Variants in SIPA1L2 observed in about 807,000 individuals in gnomAD.
The protein encoded by SIPA1L2 is signal-induced proliferation-associated 1-like protein 2.
Under a neutral mutation model 163.9 loss-of-function variants are expected in SIPA1L2, and 56 were observed. The observed-to-expected ratio is 0.34, with a 90% CI of 0.28 to 0.43. The LOEUF (loss-of-function observed/expected upper bound fraction) is 0.43. Ranked by LOEUF, SIPA1L2 falls within the 20% of genes least tolerant of loss-of-function variation. SIPA1L2 has a pLI of 1.00. For synonymous variants in SIPA1L2, 877 were observed against 865.7 expected, an observed-to-expected ratio of 1.01 and a Z score of -0.23; for missense variants, 1,974 against 2,193.5, an observed-to-expected ratio of 0.90 and a Z score of 2.00.
At chr1:232,603,993 T>A (rs1026332062) in intron 1 of SIPA1L2, among the ~76,000 whole-genome samples, 1 of 152,132 alleles carries the variant, frequency 6.6e-6, no homozygotes, top group Non-Finnish European at 1.5e-5. Context: ...AAATCCACAA[T>A]CAGACTATGC....
rs377255995 is a variant in SIPA1L2, at chr1:232,514,468, A to G, written c.872T>C (p.Leu291Pro). 1 of 1,614,234 alleles carries G rather than the reference A, an allele frequency of 6.2e-7. No homozygotes were observed. Among genetic ancestry groups the G allele is most frequent in the Admixed American group, 1.7e-5 (1 of 60,028 alleles). ...TTTAACAGTTCGAAGCTTTCGGAAGAGAGATGTTTCCACCGACTCTGATTT... is the reference window on the plus strand; with the variant it reads ...TTTAACAGTTCGAAGCTTTCGGAAGGGAGATGTTTCCACCGACTCTGATTT... The part of the protein sequence containing the change: ...RLKSESVETS[L>P]FRKLRTVKSE... Residue 291 changes from leucine (L) to proline (P), a missense_variant, in exon 3 of 23, where the codon CTC becomes CCC. By Grantham distance (98) the Leu-to-Pro change is moderately conservative. Transcript: ENST00000674635.
intron 2 of SIPA1L2, among the ~76,000 whole-genome samples, chr1:232,558,870 T>C (rs1431451315): frequency 2.0e-5 from 3 of 152,224 alleles, no homozygotes; most frequent in Non-Finnish European, 4.4e-5. Flanking sequence ...ACTATCCTAG[T>C]ATAAAACGAT....
At chr1:232,604,123 A>G (rs1661761524) in intron 1 of SIPA1L2, among the ~76,000 whole-genome samples, 1 of 152,144 alleles carries the variant, frequency 6.6e-6, no homozygotes. Flanking sequence ...CAGTTTAAGA[A>G]TCTTCAAAAG....
At chr1:232,532,214 G>C (rs1657009245) in intron 2 of SIPA1L2, among the ~76,000 whole-genome samples, 1 of 152,182 alleles carries the variant, frequency 6.6e-6, no homozygotes, top group African/African-American at 2.4e-5. Flanking sequence ...CCTGGTGGGA[G>C]GATTGAACTG....
chr1:232,611,370 A>G (rs1358538690), intron 1 of SIPA1L2, among the ~76,000 whole-genome samples: 1 of 152,240 alleles, frequency 6.6e-6, no homozygotes. Flanking sequence ...TTACTTTAGT[A>G]GGTAACAGGC....
intron 19 of SIPA1L2, among the ~76,000 whole-genome samples, chr1:232,414,293 C>T (rs1485689852): frequency 2.0e-5 from 3 of 152,288 alleles, no homozygotes; most frequent in South Asian, 2.1e-4. Context: ...ACTCCTGTTC[C>T]CAGAGGCTCA....
chr1:232,528,416 C>T (rs910021656), intron 2 of SIPA1L2, among the ~76,000 whole-genome samples: 3 of 152,118 alleles, frequency 2.0e-5, no homozygotes, highest in African/African-American at 7.2e-5. Context: ...CAAATTTACA[C>T]ACAGCTTTTT....
At chr1:232,467,320 T>C (rs2102936311) in intron 8 of SIPA1L2, among the ~76,000 whole-genome samples, 1 of 152,296 alleles carries the variant, frequency 6.6e-6, no homozygotes, top group South Asian at 2.1e-4. Flanking sequence ...TATGTGTGTG[T>C]GGGAACTTGA....
In SIPA1L2 at chr1:232,471,487, G is replaced by T; in HGVS notation, c.2127C>A (p.Ile709=). ...KRHIGNDIVT[I]VFQEPGALPF... is the part of the protein sequence containing the mutation. Reference sequence around the variant, plus strand: ...GAAGTGCCCCAGGCTCCTGGAAGACGATGGTGACGATGTCATTTCCTATGT... The same window carrying T: ...GAAGTGCCCCAGGCTCCTGGAAGACTATGGTGACGATGTCATTTCCTATGT... Residue 709 remains isoleucine, a synonymous_variant, in exon 8 of 23, where the codon ATC becomes ATA. Coordinates refer to ENST00000674635, the MANE Select transcript of SIPA1L2 (RefSeq NM_020808.5). The T allele has an allele frequency of 6.2e-7, 1 of 1,614,026 alleles. No individual in the cohort carries two copies. Among genetic ancestry groups the T allele is most frequent in the Non-Finnish European group, 8.5e-7 (1 of 1,179,936 alleles).
chr1:232,575,049 C>A (rs191345946), intron 1 of SIPA1L2, among the ~76,000 whole-genome samples: 1 of 152,190 alleles, frequency 6.6e-6, no homozygotes, highest in Admixed American at 6.5e-5. Context: ...TTCAACACAT[C>A]ATTTTTTAAA....
intron 2 of SIPA1L2, among the ~76,000 whole-genome samples, chr1:232,557,564 T>C (rs548563352): frequency 1.1e-4 from 16 of 152,326 alleles, no homozygotes; most frequent in African/African-American, 3.4e-4. Context: ...TCCAGGTACT[T>C]TGAAAATTCC....
chr1:232,530,976 TTA>T (rs1209843636), intron 2 of SIPA1L2, among the ~76,000 whole-genome samples: 2 of 152,202 alleles, frequency 1.3e-5, no homozygotes, highest in Non-Finnish European at 2.9e-5. Flanking sequence ...TAGAAATCAT[TTA>T]TATGAGTCCA....
At chr1:232,607,807 G>A (rs886958185) in intron 1 of SIPA1L2, among the ~76,000 whole-genome samples, 1 of 151,114 alleles carries the variant, frequency 6.6e-6, no homozygotes, top group African/African-American at 2.4e-5. Flanking sequence ...TGTAATCCCA[G>A]CACTTTGGGA....
intron 18 of SIPA1L2, among the ~76,000 whole-genome samples, chr1:232,416,550 TG>T (rs1661276705): frequency 6.6e-6 from 1 of 152,236 alleles, no homozygotes; most frequent in Non-Finnish European, 1.5e-5. Flanking sequence ...TTTACGTTGC[TG>T]TAAGAAGTAT....
At chr1:232,412,998 G>C (rs1168668288) in intron 19 of SIPA1L2, among the ~76,000 whole-genome samples, 1 of 152,158 alleles carries the variant, frequency 6.6e-6, no homozygotes, top group African/African-American at 2.4e-5. Flanking sequence ...TCATGTACCT[G>C]AGGGCACTGG....
chr1:232,480,929 T>G (rs922876373), intron 6 of SIPA1L2, among the ~76,000 whole-genome samples: 5 of 152,174 alleles, frequency 3.3e-5, no homozygotes, highest in African/African-American at 1.2e-4. Context: ...TCATATCCAA[T>G]TCAGAAACAG....
rs537861287 is a variant in SIPA1L2, at chr1:232,412,543, G to C, written c.4762+2951C>G. On this transcript the variant is annotated intron_variant, in intron 19 of 22. Coordinates refer to ENST00000674635, the MANE Select transcript of SIPA1L2 (RefSeq NM_020808.5). ...GTACAAAAAGATAAAGTTATGAGCA[G>C]GGCAACTGGGTTATCTACCTGAAGA... is the stretch of plus-strand genomic sequence containing the variant. Among the ~76,000 whole-genome samples the C allele has an allele frequency of 6.6e-5, 10 of 152,286 alleles. No individual in the cohort carries two copies. The South Asian group carries it at 2.1e-3, about 32-fold the overall frequency.
chr1:232,459,480 A>G (rs761270209), intron 10 of SIPA1L2, among the ~76,000 whole-genome samples: 2 of 152,238 alleles, frequency 1.3e-5, no homozygotes, highest in Non-Finnish European at 2.9e-5. Flanking sequence ...ATTTTTTCAT[A>G]TGAAAGAAAT....
chr1:232,403,625 A>C, intron 20 of SIPA1L2, 54 bp from the exon 21 acceptor site: 2 of 1,539,126 alleles, frequency 1.3e-6, no homozygotes, highest in Non-Finnish European at 1.8e-6. Flanking sequence ...AATGCAAGGC[A>C]ATGTTTCTTT....
Sources: allele counts gnomAD v4.1 joint callset (sites outside exome capture counted in the v4.1 genomes callset), GRCh38; gene constraint gnomAD v4.1.1; transcripts MANE v1.5; gene names NCBI Gene and HGNC (gene_info 2026-07-23, HGNC 2026-07-21).